BICD1: variants seen among roughly 807,000 people sequenced by gnomAD.
BICD1 encodes the protein protein bicaudal D homolog 1.
BICD1 carries 35 observed loss-of-function variants against 92.5 expected under a neutral mutation model. The ratio of observed to expected loss-of-function variants is 0.38; its 90% confidence interval spans 0.29 to 0.50. The LOEUF (loss-of-function observed/expected upper bound fraction) is 0.50. BICD1 is among the 20% of genes least tolerant of loss of function. BICD1 has a pLI of 0.93. For missense variants in BICD1, 950 were observed against 1,189.8 expected, an observed-to-expected ratio of 0.80 and a Z score of 2.97; for synonymous variants, 429 against 465.1, an observed-to-expected ratio of 0.92 and a Z score of 1.00.
intron 1 of BICD1, among the ~76,000 whole-genome samples, chr12:32,120,464 C>CT (rs1340266945): frequency 6.6e-6 from 1 of 152,100 alleles, no homozygotes; most frequent in Non-Finnish European, 1.5e-5. Context: ...AATGATGGGT[C>CT]TTTGTTTTTC....
intron 2 of BICD1, among the ~76,000 whole-genome samples, chr12:32,246,310 G>GGA (rs781428245): frequency 5.9e-5 from 6 of 102,002 alleles, no homozygotes; most frequent in Non-Finnish European, 1.1e-4. Context: ...AACCCATCAG[G>GGA]AAAAAAAAAA....
intron 1 of BICD1, among the ~76,000 whole-genome samples, chr12:32,128,148 C>T (rs1249749934): frequency 5.3e-5 from 8 of 152,218 alleles, no homozygotes; most frequent in African/African-American, 1.9e-4. Flanking sequence ...AGGTGATCTG[C>T]CCGCCTCCGC....
rs373796519 is a variant in BICD1, at chr12:32,296,256, GTTTTT to G, written c.579+2124_579+2128del. ...TTAAAATAAGAAGGGGTTTTTTTTT[GTTTTT>G]TTTTTTTTTTTTTGAGAGACGGAGT... On this transcript the variant is annotated intron_variant, in intron 3 of 9. Coordinates refer to ENST00000652176, the MANE Select transcript of BICD1 (RefSeq NM_001714.4). 1.4e-3 allele frequency among the ~76,000 whole-genome samples: 125 copies of G among 90,174 alleles called. 1 individual carries two copies. Among genetic ancestry groups the G allele is most frequent in the African/African-American group, 4.6e-3 (123 of 26,574 alleles). The allele number at this position is 90,174 out of a possible 152,430, so 59.2% of individuals were successfully genotyped here.
At chr12:32,150,721 A>G (rs1943263787) in intron 1 of BICD1, among the ~76,000 whole-genome samples, 2 of 152,110 alleles carry the variant, frequency 1.3e-5, no homozygotes, top group African/African-American at 4.8e-5. Flanking sequence ...GACCTGCACA[A>G]CCTGACACAG....
intron 1 of BICD1, among the ~76,000 whole-genome samples, chr12:32,175,343 G>A (rs1944060123): frequency 1.3e-5 from 2 of 152,066 alleles, no homozygotes; most frequent in Non-Finnish European, 2.9e-5. Flanking sequence ...CTGAAATGGG[G>A]TTTTGCTCTG....
intron 1 of BICD1, among the ~76,000 whole-genome samples, chr12:32,113,389 C>G (rs1361788080): frequency 6.6e-6 from 1 of 152,148 alleles, no homozygotes; most frequent in African/African-American, 2.4e-5. Flanking sequence ...ACATGAGTTT[C>G]TGTTGTTTTT....
At chr12:32,203,103 T>C (rs900953876) in intron 1 of BICD1, among the ~76,000 whole-genome samples, 1 of 152,046 alleles carries the variant, frequency 6.6e-6, no homozygotes, top group Non-Finnish European at 1.5e-5. Flanking sequence ...TAGGAGGGGG[T>C]AATACATTAA....
intron 1 of BICD1, among the ~76,000 whole-genome samples, chr12:32,112,359 T>C (rs887128106): frequency 6.6e-6 from 1 of 152,198 alleles, no homozygotes; most frequent in African/African-American, 2.4e-5. Flanking sequence ...ATTTCTCAGA[T>C]ATAACTTAGC....
At chr12:32,355,341 AT>A (rs924963891) in intron 8 of BICD1, among the ~76,000 whole-genome samples, 1 of 152,072 alleles carries the variant, frequency 6.6e-6, no homozygotes, top group Non-Finnish European at 1.5e-5. Context: ...AAATCCAAGG[AT>A]TTTTTTTAAG....
At chr12:32,274,036 C>T (rs1357053464) in intron 2 of BICD1, among the ~76,000 whole-genome samples, 1 of 152,156 alleles carries the variant, frequency 6.6e-6, no homozygotes, top group Non-Finnish European at 1.5e-5. Flanking sequence ...AGGCTTTATC[C>T]GGGACCAGCA....
intron 9 of BICD1, chr12:32,367,979 C>T: frequency 2.1e-6 from 1 of 469,670 alleles, no homozygotes; most frequent in Non-Finnish European, 3.8e-6. Context: ...TACAGGCTGC[C>T]TTCAGCCCCT....
At chr12:32,276,569 A>T (rs1947281053) in intron 2 of BICD1, among the ~76,000 whole-genome samples, 1 of 152,162 alleles carries the variant, frequency 6.6e-6, no homozygotes, top group Admixed American at 6.5e-5. Context: ...TCAGGATATA[A>T]ACCCAGGCAT....
intron 1 of BICD1, among the ~76,000 whole-genome samples, chr12:32,182,766 T>C (rs1409815033): frequency 6.6e-6 from 1 of 151,738 alleles, no homozygotes; most frequent in East Asian, 1.9e-4. Context: ...ATCAAAGGGT[T>C]AGAAATAAAA....
At chr12:32,196,534 A>T (rs543865091) in intron 1 of BICD1, among the ~76,000 whole-genome samples, 177 of 152,372 alleles carry the variant, frequency 1.2e-3, no homozygotes, top group African/African-American at 4.1e-3. Flanking sequence ...AAACACAGCA[A>T]GACAAATATT....
At chr12:32,173,506 TATGA>T (rs1944010591) in intron 1 of BICD1, among the ~76,000 whole-genome samples, 1 of 152,224 alleles carries the variant, frequency 6.6e-6, no homozygotes, top group Non-Finnish European at 1.5e-5. Context: ...CTCAGCTATC[TATGA>T]GAGCTGTAGC....
chr12:32,302,686 TAG>T (rs1948089115), intron 3 of BICD1, among the ~76,000 whole-genome samples: 2 of 152,202 alleles, frequency 1.3e-5, no homozygotes, highest in African/African-American at 4.8e-5. Flanking sequence ...CCTACTTGAT[TAG>T]AAGACAGTTA....
intron 2 of BICD1, among the ~76,000 whole-genome samples, chr12:32,221,282 G>T (rs1375671863): frequency 6.7e-6 from 1 of 149,996 alleles, no homozygotes; most frequent in Non-Finnish European, 1.5e-5. Flanking sequence ...AAAAAAAAAT[G>T]TAAAATGCTT....
intron 2 of BICD1, among the ~76,000 whole-genome samples, chr12:32,239,519 G>T (rs112875642): frequency 0.12 from 18,338 of 148,212 alleles, 1,884 homozygotes; most frequent in African/African-American, 0.28. Context: ...TGAGCCGAGA[G>T]CGCACCATTG....
chr12:32,223,384 G>A (rs2121575793), intron 2 of BICD1, among the ~76,000 whole-genome samples: 1 of 152,318 alleles, frequency 6.6e-6, no homozygotes, highest in African/African-American at 2.4e-5. Context: ...TGGGCATGGT[G>A]GCGAATGCCC....
Sources: gnomAD v4.1 joint callset for allele counts (sites outside exome capture counted in the v4.1 genomes callset) on GRCh38, gnomAD v4.1.1 for gene constraint, MANE v1.5 for transcripts, NCBI Gene and HGNC (gene_info 2026-07-23, HGNC 2026-07-21) for gene names.